The following UPRT variants were observed in gnomAD, a reference collection of about 807,000 sequenced individuals.
The protein encoded by UPRT is RP11-311P8.3.
In UPRT, 5 loss-of-function variants were observed where a neutral mutation model predicts 22.6. The ratio of observed to expected loss-of-function variants is 0.22; its 90% confidence interval spans 0.12 to 0.47. UPRT has a LOEUF of 0.47. Ranked by LOEUF, UPRT falls within the 20% of genes least tolerant of loss-of-function variation. The pLI, the probability that UPRT is intolerant of heterozygous loss-of-function variation, is 0.99. For missense variants in UPRT, 181 were observed against 239.9 expected, an observed-to-expected ratio of 0.75 and a Z score of 1.62; for synonymous variants, 77 against 87.7, an observed-to-expected ratio of 0.88 and a Z score of 0.68.
chrX:75,235,243 G>C lies in UPRT; in HGVS notation c.-446-55781G>C, dbSNP rs6647668. 0.076 allele frequency among the ~76,000 whole-genome samples: 8,446 copies of C among 111,391 alleles called. 1,236 individuals are homozygous for C. In the East Asian group the frequency reaches 0.89, roughly 12 times the overall value. On this transcript the variant is annotated intron_variant, in intron 4 of 13. Transcript: ENST00000652605. ...CCTCCCAAGACTAAACCAGGAAGAA[G>C]TTGAATCCCTGAATAGAGCAATAAC...
intron 4 of UPRT, among the ~76,000 whole-genome samples, chrX:75,191,862 G>A (rs1218001332): frequency 9.0e-6 from 1 of 111,706 alleles, no homozygotes; most frequent in African/African-American, 3.3e-5. Flanking sequence ...GTGTGTCACA[G>A]CTTTCCTTGG....
At chrX:75,255,065 G>T (rs868723396) in intron 4 of UPRT, among the ~76,000 whole-genome samples, 3 of 110,635 alleles carry the variant, frequency 2.7e-5, no homozygotes, top group East Asian at 5.7e-4. Context: ...GTGAGCCACC[G>T]CGCCCGGCCA....
rs774478663 is a variant in UPRT, at chrX:75,285,609, C to T, written c.387-7863C>T. 3 of 111,818 alleles carry T rather than the reference C, an allele frequency of 2.7e-5. No homozygotes were observed. The East Asian group carries it at 8.5e-4, about 32-fold the overall frequency. The allele number at this position is 111,818 out of a possible 1,213,427, so 9.2% of individuals were successfully genotyped here. ...TTGGGAGGGGAGGGTCTCCCTTTCT[C>T]ACTTCCACAGTTGGGGCACTCACAG... On this transcript the variant is annotated intron_variant, in intron 1 of 6. Transcript: ENST00000373383.
At chrX:75,212,332 G>A (rs776073554) in intron 4 of UPRT, among the ~76,000 whole-genome samples, 72 of 112,130 alleles carry the variant, frequency 6.4e-4, no homozygotes, top group Non-Finnish European at 1.2e-3. Flanking sequence ...ATAATAAACA[G>A]TCTCTCAGAC....
chrX:75,250,250 CA>C (rs1432133260), intron 4 of UPRT, among the ~76,000 whole-genome samples: 1 of 109,815 alleles, frequency 9.1e-6, no homozygotes. Flanking sequence ...AAAAACCCTT[CA>C]AAAAATTAAT....
chrX:75,254,326 A>T (rs1242601407), intron 4 of UPRT, among the ~76,000 whole-genome samples: 3 of 112,131 alleles, frequency 2.7e-5, no homozygotes, highest in Admixed American at 1.9e-4. Context: ...GAAATAGCAT[A>T]AATAAAAAAC....
chrX:75,220,766 T>C (rs180898399), intron 4 of UPRT, among the ~76,000 whole-genome samples: 3 of 111,979 alleles, frequency 2.7e-5, no homozygotes, highest in Admixed American at 1.9e-4. Context: ...TTATGTCTTA[T>C]TGTACTGTCT....
upstream of UPRT, among the ~76,000 whole-genome samples, chrX:75,273,620 A>G (rs765422182): frequency 8.9e-5 from 10 of 111,846 alleles, no homozygotes; most frequent in Non-Finnish European, 1.3e-4. Context: ...AATAAAGATA[A>G]GAAAAGCTTT....
chrX:75,299,263 T>G (rs1290107244), intron 4 of UPRT, among the ~76,000 whole-genome samples: 1 of 112,387 alleles, frequency 8.9e-6, no homozygotes, highest in South Asian at 3.7e-4. Flanking sequence ...TTGAGCTAAG[T>G]GATGTCCCCT....
chrX:75,180,695 G>GTTTTTTT (rs61040746), intron 4 of UPRT, among the ~76,000 whole-genome samples: 1 of 34,657 alleles, frequency 2.9e-5, no homozygotes, highest in African/African-American at 1.3e-4. Context: ...TTTTTTTTTT[G>GTTTTTTT]TTTTTTTTTT....
At chrX:75,223,153 T>C (rs2082414911) in intron 4 of UPRT, among the ~76,000 whole-genome samples, 1 of 110,033 alleles carries the variant, frequency 9.1e-6, no homozygotes, top group Non-Finnish European at 1.9e-5. Flanking sequence ...GGGCATGGAA[T>C]GGGGTCCTCA....
chrX:75,211,177 G>A (rs2082379407), intron 4 of UPRT, among the ~76,000 whole-genome samples: 1 of 111,175 alleles, frequency 9.0e-6, no homozygotes, highest in Admixed American at 9.5e-5. Flanking sequence ...AAATTTAGAA[G>A]AGGGGAGTGA....
intron 1 of UPRT, among the ~76,000 whole-genome samples, chrX:75,157,644 T>G (rs1439199189): frequency 2.7e-5 from 3 of 111,870 alleles, no homozygotes; most frequent in African/African-American, 9.7e-5. Context: ...TATATGTCCA[T>G]TAAGCTACTC....
At chrX:75,273,980 G>T (rs965880938), upstream of UPRT, 4 of 311,486 alleles carry the variant, frequency 1.3e-5, no homozygotes, top group African/African-American at 1.1e-4. Flanking sequence ...CACGTAGCAA[G>T]GGTGACTCAA....
chrX:75,177,779 T>C (rs2082253383), intron 4 of UPRT, among the ~76,000 whole-genome samples: 1 of 111,772 alleles, frequency 8.9e-6, no homozygotes, highest in South Asian at 3.7e-4. Context: ...TGGGCAAAAA[T>C]TATGTCTTTC....
At chrX:75,204,459 C>T (rs1450024621) in intron 4 of UPRT, among the ~76,000 whole-genome samples, 1 of 112,319 alleles carries the variant, frequency 8.9e-6, no homozygotes, top group Non-Finnish European at 1.9e-5. Flanking sequence ...GGTTGACAGG[C>T]AAGAGTTGTA....
At chrX:75,292,780 G>A (rs750648531) in intron 1 of UPRT, among the ~76,000 whole-genome samples, 2 of 110,700 alleles carry the variant, frequency 1.8e-5, no homozygotes, top group South Asian at 3.8e-4. Context: ...TTTTTGGCTC[G>A]TTAACAGCTT....
chrX:75,159,967 G>C (rs1265756527), intron 1 of UPRT, among the ~76,000 whole-genome samples: 1 of 108,895 alleles, frequency 9.2e-6, no homozygotes, highest in East Asian at 2.9e-4. Flanking sequence ...TAGTAGAGAC[G>C]GGGTTTCACC....
At chrX:75,178,597 C>A (rs1361169926) in intron 4 of UPRT, among the ~76,000 whole-genome samples, 4 of 110,501 alleles carry the variant, frequency 3.6e-5, no homozygotes, top group African/African-American at 1.3e-4. Context: ...TTTCTTCTTT[C>A]TGGTGGGTTC....
Sources: allele counts gnomAD v4.1 joint callset (sites outside exome capture counted in the v4.1 genomes callset), GRCh38; gene constraint gnomAD v4.1.1; transcripts MANE v1.5; gene names NCBI Gene and HGNC (gene_info 2026-07-23, HGNC 2026-07-21).